Variants in ZNF717 observed in about 807,000 individuals in gnomAD.
ZNF717 encodes zinc finger protein 717.
In ZNF717, 9 loss-of-function variants were observed where a neutral mutation model predicts 13.8. The ratio of observed to expected loss-of-function variants is 0.65; its 90% CI spans 0.39 to 1.14. The LOEUF is 1.14. ZNF717 is among the 50% of genes most tolerant of loss of function. ZNF717 has a pLI of 0.01. For synonymous variants in ZNF717, 327 were observed against 364.1 expected (o/e 0.90, Z 1.16); for missense variants, 1,040 against 1,080.7 (o/e 0.96, Z 0.53).
At chr3:75,758,533 T>G (rs1942696864) in intron 2 of ZNF717, among the ~76,000 whole-genome samples, 2 of 152,204 alleles carry the variant, frequency 1.3e-5, no homozygotes, top group Non-Finnish European at 2.9e-5. Flanking sequence ...GAATCCAATT[T>G]TGAAAGTTCT....
chr3:75,698,608 G>A (rs1937630409), intron 6 of ZNF717, among the ~76,000 whole-genome samples: 1 of 152,312 alleles, frequency 6.6e-6, no homozygotes, highest in Non-Finnish European at 1.5e-5. Flanking sequence ...TTAGGCCTGT[G>A]GGTGTACAAA....
chr3:75,757,341 T>A (rs1393445594), intron 2 of ZNF717, among the ~76,000 whole-genome samples: 1 of 152,210 alleles, frequency 6.6e-6, no homozygotes, highest in African/African-American at 2.4e-5. Flanking sequence ...CCAATGATGA[T>A]TTACTATTCT....
chr3:75,757,523 C>T (rs116754269), intron 2 of ZNF717, among the ~76,000 whole-genome samples: 76 of 152,254 alleles, frequency 5.0e-4, no homozygotes, highest in African/African-American at 1.7e-3. Flanking sequence ...AAAGTATTAC[C>T]GCTCAATGAC....
intron 2 of ZNF717, among the ~76,000 whole-genome samples, chr3:75,765,035 A>ATATATATATATATATG (rs1559662069): frequency 1.1e-4 from 9 of 81,754 alleles, no homozygotes; most frequent in South Asian, 3.7e-4. Context: ...ATATATGTAT[A>ATATATATATATATATG]TGTGTGTGTG....
At chr3:75,710,484 T>C (rs1320449328) in exon 6 of ZNF717, 9 of 152,314 alleles carry the variant, frequency 5.9e-5, no homozygotes, top group African/African-American at 1.7e-4. Flanking sequence ...AAGTGAAAAA[T>C]GTAGCATTAA....
At chr3:75,698,610 G>T (rs1937630430) in intron 6 of ZNF717, among the ~76,000 whole-genome samples, 1 of 152,306 alleles carries the variant, frequency 6.6e-6, no homozygotes, top group South Asian at 2.1e-4. Flanking sequence ...AGGCCTGTGG[G>T]TGTACAAAAT....
chr3:75,738,675 A>G lies in ZNF717; in HGVS notation c.948T>C (p.Cys316=). The G allele has an allele frequency of 6.4e-7, 1 of 1,551,892 alleles. No individual in the cohort carries two copies. The highest frequency in any genetic ancestry group is 8.7e-7 in the Non-Finnish European group (1 of 1,147,146). The change falls in exon 5 of 5, where the codon TGT becomes TGC. Residue 316 remains cysteine, a synonymous_variant. Transcript: ENST00000652011. ...TGGACTTATAGCTGAACAATTTTTC[A>G]CACCAGTTACAGGCATAAGGTTTTT... ...TEEKPYACNW[C]EKLFSYKSSL... is the part of the protein sequence containing the mutation.
At chr3:75,715,895 A>G (rs1454665480) in intron 5 of ZNF717, among the ~76,000 whole-genome samples, 2 of 152,174 alleles carry the variant, frequency 1.3e-5, no homozygotes, top group Admixed American at 1.3e-4. Flanking sequence ...GAGCCATAAT[A>G]TATAACCAGG....
chr3:75,766,053 G>C (rs1943439281), intron 2 of ZNF717, among the ~76,000 whole-genome samples: 1 of 152,356 alleles, frequency 6.6e-6, no homozygotes, highest in Admixed American at 6.5e-5. Context: ...GTTGCAGTGA[G>C]CCAAGATTGC....
rs141529974 is a variant in ZNF717, at chr3:75,778,804, T to C, written c.57+4502A>G. Among the ~76,000 whole-genome samples the C allele has an allele frequency of 9.7e-4, 134 of 137,968 alleles. 4 individuals carry two copies. The highest frequency in any genetic ancestry group is 7.8e-3 in the Middle Eastern group (2 of 258). 90.5% of individuals were successfully genotyped at this position (137,968 alleles called of 152,430 possible). Reference sequence around the variant, plus strand: ...GAAACCCAAAACAATGGGAGTGATATGCTAAAACCGGAACCCAAAATAATG... The same window carrying C: ...GAAACCCAAAACAATGGGAGTGATACGCTAAAACCGGAACCCAAAATAATG... On this transcript the variant is annotated intron_variant, in intron 2 of 4. Coordinates refer to ENST00000652011, the MANE Select transcript of ZNF717 (RefSeq NM_001290208.3).
chr3:75,775,478 A>AATT (rs1165417785), intron 2 of ZNF717, among the ~76,000 whole-genome samples: 4 of 152,366 alleles, frequency 2.6e-5, no homozygotes, highest in African/African-American at 9.6e-5. Flanking sequence ...ACTCGTGAGC[A>AATT]CAGGTTTCTA....
chr3:75,783,680 T>C (rs2107769356), intron 1 of ZNF717, among the ~76,000 whole-genome samples: 1 of 152,316 alleles, frequency 6.6e-6, no homozygotes, highest in East Asian at 1.9e-4. Context: ...CAAAGAAACA[T>C]TATAAGTTCA....
intron 2 of ZNF717, among the ~76,000 whole-genome samples, chr3:75,765,664 G>T (rs2107599087): frequency 6.6e-6 from 1 of 152,120 alleles, no homozygotes; most frequent in Middle Eastern, 3.4e-3. Context: ...CACCTCCCCT[G>T]GCTTCCCACA....
intron 2 of ZNF717, among the ~76,000 whole-genome samples, chr3:75,747,605 T>C (rs1941298052): frequency 6.6e-6 from 1 of 152,194 alleles, no homozygotes; most frequent in African/African-American, 2.4e-5. Context: ...CCTAGGTAAC[T>C]TATTCTCTTT....
At chr3:75,754,719 C>T (rs1228911591) in intron 2 of ZNF717, among the ~76,000 whole-genome samples, 2 of 151,910 alleles carry the variant, frequency 1.3e-5, no homozygotes, top group African/African-American at 4.8e-5. Flanking sequence ...GGGACAACTA[C>T]AAAAGGTGAA....
downstream of ZNF717, among the ~76,000 whole-genome samples, chr3:75,725,831 T>C (rs1246596140): frequency 1.3e-5 from 2 of 152,232 alleles, no homozygotes; most frequent in East Asian, 1.9e-4. Flanking sequence ...GTGGGAATTA[T>C]GGGAACAACA....
At chr3:75,735,636 A>T (rs920862488), downstream of ZNF717, among the ~76,000 whole-genome samples, 4 of 21,764 alleles carry the variant, frequency 1.8e-4, no homozygotes, top group East Asian at 3.6e-3. Flanking sequence ...CTGTCTCAAT[A>T]AAAAAAAAAA....
Position 75,760,291 on chromosome 3 carries a change from G to A in ZNF717, c.58-18555C>T, listed in dbSNP as rs537243719. On this transcript the variant is annotated intron_variant, in intron 2 of 4. Coordinates refer to ENST00000652011, the MANE Select transcript of ZNF717 (RefSeq NM_001290208.3). ...ACTCCTGACCTCAGATGATCCGCCC[G>A]CCTCGGCCTCCCAAAGTGCTGGGAT... Among the ~76,000 whole-genome samples the A allele has an allele frequency of 2.4e-4, 37 of 151,960 alleles. No homozygotes were observed. In the East Asian group the frequency reaches 3.9e-3, roughly 16 times the overall value.
chr3:75,753,139 ATAC>A (rs1478361988), intron 2 of ZNF717, among the ~76,000 whole-genome samples: 7 of 150,820 alleles, frequency 4.6e-5, no homozygotes, highest in Non-Finnish European at 1.0e-4. Flanking sequence ...GGATTCCAGA[ATAC>A]TGCTGCTGGG....
Sources: allele counts gnomAD v4.1 joint callset (sites outside exome capture counted in the v4.1 genomes callset), GRCh38; gene constraint gnomAD v4.1.1; transcripts MANE v1.5; gene names NCBI Gene and HGNC (gene_info 2026-07-23, HGNC 2026-07-21).